The following PSCA variants were observed in gnomAD, a reference collection of about 807,000 sequenced individuals.
PSCA encodes prostate stem cell antigen.
PSCA carries 7 observed loss-of-function variants against 7.9 expected under a neutral mutation model. That is an observed-to-expected ratio of 0.89 (90% confidence interval 0.51 to 1.67). The LOEUF (loss-of-function observed/expected upper bound fraction) is 1.67. Ranked by LOEUF, PSCA falls within the 40% of genes most tolerant of loss-of-function variation. The pLI is 0.00. For missense variants in PSCA, 151 were observed against 147.9 expected, an observed-to-expected ratio of 1.02 and a Z score of -0.11; for synonymous variants, 61 against 68.3, an observed-to-expected ratio of 0.89 and a Z score of 0.53.
At chr8:142,670,311 A>G (rs1404336460) in exon 1 of PSCA, 1 of 152,332 alleles carries the variant, frequency 6.6e-6, no homozygotes, top group Non-Finnish European at 1.5e-5. Flanking sequence ...CTTTCATGAC[A>G]GTGAACCCTG....
upstream of PSCA, among the ~76,000 whole-genome samples, chr8:142,678,715 A>ATGG (rs1329820772): frequency 3.3e-3 from 203 of 61,394 alleles, 1 homozygote; most frequent in Middle Eastern, 0.021. Flanking sequence ...CCACCCAGCC[A>ATGG]CTGGCAGCAG....
chr8:142,671,479 T>A (rs1309802954), intron 1 of PSCA, among the ~76,000 whole-genome samples: 3 of 152,194 alleles, frequency 2.0e-5, no homozygotes, highest in Non-Finnish European at 4.4e-5. Context: ...AAATTTGTAT[T>A]GTTTTGGATC....
At chr8:142,680,603 G>C (rs1554638210) in intron 1 of PSCA, 40 bp downstream of exon 1, 2 of 1,552,402 alleles carry the variant, frequency 1.3e-6, no homozygotes, top group Non-Finnish European at 8.7e-7. Flanking sequence ...AGGGAGCAGG[G>C]GTGAGCCGGG....
In PSCA at chr8:142,682,231, C is replaced by G; in HGVS notation, c.*99C>G. 7.2e-7 allele frequency: 1 copy of G among 1,385,808 alleles called. No homozygotes were observed. Among genetic ancestry groups the G allele is most frequent in the Non-Finnish European group, 9.9e-7 (1 of 1,008,922 alleles). 85.8% of individuals were successfully genotyped at this position (1,385,808 alleles called of 1,614,324 possible). On this transcript the variant is annotated 3_prime_UTR_variant, in exon 3 of 3. Transcript: ENST00000301258. ...GCCCAGTGGGAGCCTGTCCTGGTTCCTGAGGCACATCCTAACGCAAGTCTG... is the reference window on the plus strand; with the variant it reads ...GCCCAGTGGGAGCCTGTCCTGGTTCGTGAGGCACATCCTAACGCAAGTCTG...
intron 1 of PSCA, chr8:142,680,798 C>T (rs914014571): frequency 1.7e-6 from 1 of 601,678 alleles, no homozygotes; most frequent in Non-Finnish European, 2.9e-6. Flanking sequence ...CGGAGTCACT[C>T]TCCTTCACCA....
At chr8:142,675,055 G>T (rs987963234) in intron 1 of PSCA, among the ~76,000 whole-genome samples, 2 of 152,256 alleles carry the variant, frequency 1.3e-5, no homozygotes, top group Admixed American at 6.5e-5. Context: ...GAGGCCTCAG[G>T]TTGGGGCAGT....
chr8:142,678,275 G>A (rs1021752809), upstream of PSCA, among the ~76,000 whole-genome samples: 5 of 152,164 alleles, frequency 3.3e-5, no homozygotes, highest in African/African-American at 1.2e-4. Context: ...AACCATCAGC[G>A]GGGACGAGAG....
rs1554638423 is a variant in PSCA, at chr8:142,681,994, C to T, written c.207C>T (p.Tyr69=). The part of the protein sequence containing the change: ...LNCVDDSQDY[Y]VGKKNITCCD... ...GCGTGGATGACTCACAGGACTACTACGTGGGCAAGAAGAACATCACGTGCT... is the reference window on the plus strand; with the variant it reads ...GCGTGGATGACTCACAGGACTACTATGTGGGCAAGAAGAACATCACGTGCT... The change falls in exon 3 of 3, where the codon TAC becomes TAT. Residue 69 remains tyrosine, a synonymous_variant. Coordinates refer to ENST00000301258, the MANE Select transcript of PSCA (RefSeq NM_005672.5). The T allele has an allele frequency of 1.2e-5, 20 of 1,611,774 alleles. No individual in the cohort carries two copies. The highest frequency in any genetic ancestry group is 1.6e-5 in the Non-Finnish European group (19 of 1,179,094).
upstream of PSCA, among the ~76,000 whole-genome samples, chr8:142,679,210 G>A (rs1554638077): frequency 1.3e-5 from 2 of 152,256 alleles, no homozygotes; most frequent in Non-Finnish European, 2.9e-5. Flanking sequence ...ATACAGCCCT[G>A]GGCCTAGCCG....
At position 142,682,691 on chromosome 8, in the gene PSCA, C is replaced by A. The variant is rs139740242; in HGVS notation, c.*559C>A. ...TCCCTGAATGGCAGCCTCAGCACAG[C>A]GTAGGCCCTTAATAAACACCTGTTG... On this transcript the variant is annotated 3_prime_UTR_variant, in exon 3 of 3. Coordinates refer to ENST00000301258, the MANE Select transcript of PSCA (RefSeq NM_005672.5). The A allele has an allele frequency of 6.1e-6, 2 of 327,460 alleles. No homozygotes were observed. The highest frequency in any genetic ancestry group is 7.8e-5 in the Admixed American group (2 of 25,776). The allele number at this position is 327,460 out of a possible 1,614,324, so 20.3% of individuals were successfully genotyped here.
At chr8:142,672,160 C>T (rs1180314854) in intron 1 of PSCA, among the ~76,000 whole-genome samples, 3 of 152,308 alleles carry the variant, frequency 2.0e-5, no homozygotes, top group African/African-American at 7.2e-5. Flanking sequence ...TGAACGGCAG[C>T]TCACCTTGCT....
At chr8:142,674,912 G>A (rs988466765) in intron 1 of PSCA, among the ~76,000 whole-genome samples, 85 of 152,334 alleles carry the variant, frequency 5.6e-4, no homozygotes, top group African/African-American at 1.6e-3. Flanking sequence ...TCAGGTCCTC[G>A]CTGGGCCACA....
chr8:142,678,805 G>C (rs1441834894), upstream of PSCA, among the ~76,000 whole-genome samples: 1 of 151,604 alleles, frequency 6.6e-6, no homozygotes, highest in Non-Finnish European at 1.5e-5. Context: ...GCCTGCTCTA[G>C]AGGACCATAG....
chr8:142,680,654 G>A, intron 1 of PSCA, 91 bp downstream of exon 1: 1 of 1,482,136 alleles, frequency 6.7e-7, no homozygotes, highest in Non-Finnish European at 9.2e-7. Flanking sequence ...GAGAGGAGGG[G>A]AAGGAAGGAG....
chr8:142,681,902 GGA>G lies in PSCA; in HGVS notation c.134-18_134-17del, dbSNP rs1188209428. 20 of 1,508,128 alleles carry G rather than the reference GGA, an allele frequency of 1.3e-5. No individual in the cohort carries two copies. The highest frequency in any genetic ancestry group is 1.8e-5 in the Non-Finnish European group (20 of 1,120,412). 93.4% of individuals were successfully genotyped at this position (1,508,128 alleles called of 1,614,324 possible). On this transcript the variant is annotated splice_polypyrimidine_tract_variant and intron_variant, in intron 2 of 2. Coordinates refer to ENST00000301258, the MANE Select transcript of PSCA (RefSeq NM_005672.5). ...GAGCACACAGGGCAGCCCCATCCCCGGATCCCGCTGCTCCCCAGGCGCAGTTG... is the reference window on the plus strand; with the variant it reads ...GAGCACACAGGGCAGCCCCATCCCCGTCCCGCTGCTCCCCAGGCGCAGTTG...
chr8:142,681,993 A>T lies in PSCA; in HGVS notation c.206A>T (p.Tyr69Phe), dbSNP rs1814654378. The change falls in exon 3 of 3, where the codon TAC becomes TTC. Residue 69 changes from tyrosine to phenylalanine, a missense_variant. Transcript: ENST00000301258. The part of the protein sequence containing the change: ...LNCVDDSQDY[Y>F]VGKKNITCCD... Reference sequence around the variant, plus strand: ...TGCGTGGATGACTCACAGGACTACTACGTGGGCAAGAAGAACATCACGTGC... The same window carrying T: ...TGCGTGGATGACTCACAGGACTACTTCGTGGGCAAGAAGAACATCACGTGC... 6.2e-7 allele frequency: 1 copy of T among 1,611,670 alleles called. No individual in the cohort carries two copies. Among genetic ancestry groups the T allele is most frequent in the Non-Finnish European group, 8.5e-7 (1 of 1,179,116 alleles).
At chr8:142,676,821 T>C (rs587599906), upstream of PSCA, among the ~76,000 whole-genome samples, 10 of 152,326 alleles carry the variant, frequency 6.6e-5, no homozygotes, top group East Asian at 7.7e-4. Flanking sequence ...GGAGTTTTAT[T>C]ATCACTCACA....
chr8:142,678,301 G>A (rs782630369), upstream of PSCA, among the ~76,000 whole-genome samples: 2 of 152,344 alleles, frequency 1.3e-5, no homozygotes, highest in African/African-American at 2.4e-5. Flanking sequence ...CAGGGGAGAA[G>A]GGGCCGGTCT....
chr8:142,682,246 A>C lies in PSCA; in HGVS notation c.*114A>C. 1 of 1,297,614 alleles carries C rather than the reference A, an allele frequency of 7.7e-7. No homozygotes were observed. The highest frequency in any genetic ancestry group is 1.1e-6 in the Non-Finnish European group (1 of 929,084). The allele number at this position is 1,297,614 out of a possible 1,614,324, so 80.4% of individuals were successfully genotyped here. On this transcript the variant is annotated 3_prime_UTR_variant, in exon 3 of 3. Transcript: ENST00000301258. ...GTCCTGGTTCCTGAGGCACATCCTAACGCAAGTCTGACCATGTATGTCTGC... is the reference window on the plus strand; with the variant it reads ...GTCCTGGTTCCTGAGGCACATCCTACCGCAAGTCTGACCATGTATGTCTGC...
Sources: allele counts gnomAD v4.1 joint callset (sites outside exome capture counted in the v4.1 genomes callset), GRCh38; gene constraint gnomAD v4.1.1; transcripts MANE v1.5; gene names NCBI Gene and HGNC (gene_info 2026-07-23, HGNC 2026-07-21).